The following DDX52 variants were observed in gnomAD, a reference collection of about 807,000 sequenced individuals.
The protein encoded by DDX52 is DExD-box helicase 52, also known as probable ATP-dependent RNA helicase DDX52.
DDX52 carries 59 observed loss-of-function variants against 76.1 expected under a neutral mutation model. The ratio of observed to expected loss-of-function variants is 0.78; its 90% confidence interval spans 0.63 to 0.96. DDX52 has a LOEUF of 0.96. DDX52 is among the 40% of genes least tolerant of loss of function. The pLI is 0.00. For synonymous variants in DDX52, 231 were observed against 244.1 expected (o/e 0.95, Z 0.50); for missense variants, 707 against 703.9 (o/e 1.00, Z -0.05).
chr17:37,614,095 C>A lies in DDX52; in HGVS notation c.*201G>T. ...CTGGACAACATGGCAAGACCCTCATCTCTACAGGAAAAAAAAAAGGCACCT... is the reference window on the plus strand; with the variant it reads ...CTGGACAACATGGCAAGACCCTCATATCTACAGGAAAAAAAAAAGGCACCT... On this transcript the variant is annotated 3_prime_UTR_variant, in exon 15 of 15. Transcript: ENST00000617633. 1.8e-6 allele frequency: 1 copy of A among 551,728 alleles called. No individual in the cohort carries two copies. Among genetic ancestry groups the A allele is most frequent in the Non-Finnish European group, 3.1e-6 (1 of 324,516 alleles). The allele number at this position is 551,728 out of a possible 1,614,324, so 34.2% of individuals were successfully genotyped here. A position where few individuals can be genotyped will look rare whatever the true frequency, so the allele number is the denominator to read the frequency against.
At chr17:37,642,974 G>A (rs553384317) in intron 1 of DDX52, 306 of 189,786 alleles carry the variant, frequency 1.6e-3, no homozygotes, top group Non-Finnish European at 2.7e-3. Flanking sequence ...ACTATAGTAA[G>A]AGAATCTGTT....
rs948751140 is a variant in DDX52 at position 37,643,408 on chromosome 17, C to T, written c.13G>A (p.Asp5Asn). 6 of 1,613,956 alleles carry T rather than the reference C, an allele frequency of 3.7e-6. No individual in the cohort carries two copies. The highest frequency in any genetic ancestry group is 4.2e-6 in the Non-Finnish European group (5 of 1,179,936). The change falls in exon 1 of 15, where the codon GAT (aspartate) becomes AAT (asparagine). Residue 5 changes from aspartate (D) to asparagine (N), a missense_variant. Physicochemically the swap from Asp to Asn is conservative, Grantham distance 23. Coordinates refer to ENST00000617633, the MANE Select transcript of DDX52 (RefSeq NM_007010.5). MDVHDLFRRLGAGAK... is the reference protein window; with the variant it reads MDVHNLFRRLGAGAK... ...CCCGCGCCGAGCCGGCGAAAGAGAT[C>T]GTGGACGTCCATCTTTACCCAGAAA...
At chr17:37,633,940 C>CTTTTTTTTTTTTTTTTT (rs557054736) in intron 2 of DDX52, among the ~76,000 whole-genome samples, 1 of 130,014 alleles carries the variant, frequency 7.7e-6, no homozygotes. Flanking sequence ...AATTTCTTTC[C>CTTTTTTTTTTTTTTTTT]TTTTTTTTTT....
At chr17:37,626,484 C>T (rs887037014) in intron 7 of DDX52, among the ~76,000 whole-genome samples, 4 of 152,136 alleles carry the variant, frequency 2.6e-5, no homozygotes, top group African/African-American at 9.7e-5. Context: ...TTAAACCTTC[C>T]GTTCTTTATA....
intron 2 of DDX52, among the ~76,000 whole-genome samples, chr17:37,636,800 G>C (rs1030111777): frequency 1.3e-5 from 2 of 152,110 alleles, no homozygotes; most frequent in Non-Finnish European, 2.9e-5. Context: ...CAGACCACCC[G>C]CATCAATTTA....
chr17:37,618,901 C>T (rs1446078147), intron 13 of DDX52, among the ~76,000 whole-genome samples: 1 of 152,162 alleles, frequency 6.6e-6, no homozygotes, highest in Non-Finnish European at 1.5e-5. Flanking sequence ...TAAATTCAAT[C>T]AACCTTTTAG....
intron 4 of DDX52, chr17:37,631,814 T>C (rs2030694665): frequency 4.8e-6 from 2 of 415,316 alleles, no homozygotes; most frequent in Admixed American, 4.1e-5. Context: ...ATATGATTGG[T>C]GCGAATACAA....
In DDX52 at chr17:37,614,348, T is replaced by TTTTTC. The variant is rs1303818555; in HGVS notation, c.1743_1747dup (p.Lys583ArgfsTer13). 3.1e-6 allele frequency: 5 copies of TTTTTC among 1,607,642 alleles called. No individual in the cohort carries two copies. The highest frequency in any genetic ancestry group is 4.2e-6 in the Non-Finnish European group (5 of 1,177,808). On this transcript the variant is annotated frameshift_variant, in exon 15 of 15. Coordinates refer to ENST00000617633, the MANE Select transcript of DDX52 (RefSeq NM_007010.5). LOFTEE classifies it high-confidence loss of function. The stretch of plus-strand genomic sequence containing the variant: ...CTTCTTGCTGTTCTGACCAGTGACC[T>TTTTTC]TTTTCCTGTAAAGAGCAAAGTAAGA...
In DDX52 at chr17:37,624,417, G is replaced by C; in HGVS notation, c.1154C>G (p.Thr385Ser). 1 of 1,603,692 alleles carries C rather than the reference G, an allele frequency of 6.2e-7. No individual in the cohort carries two copies. Among genetic ancestry groups the C allele is most frequent in the Non-Finnish European group, 8.5e-7 (1 of 1,173,430 alleles). The change falls in exon 9 of 15, where the codon ACT (threonine) becomes AGT (serine). Residue 385 changes from threonine to serine, a missense_variant. Transcript: ENST00000617633. Reference protein sequence around the residue: ...SIGARNSAVETVEQELLFVGS... With the variant: ...SIGARNSAVESVEQELLFVGS... ...AACAAAGAGAAGCTCTTGTTCTACA[G>C]TTTCTACTGCAGAATTCCTGGGAAG...
Position 37,633,292 on chromosome 17 carries a change from T to C in DDX52, c.413A>G (p.Glu138Gly), listed in dbSNP as rs200312318. Residue 138 changes from glutamate (E) to glycine (G), a missense_variant, in exon 3 of 15, where the codon GAA becomes GGA. Glu to Gly is a moderately conservative substitution (Grantham distance 98, BLOSUM62 -2). Coordinates refer to ENST00000617633, the MANE Select transcript of DDX52 (RefSeq NM_007010.5). ...TSGKLENLRK[E>G]KINFLRNKHK... ...GCCCCAAAATATTTTTCTAACCTTT[T>C]CTTTTCTGAGATTCTCCAACTTTCC... The C allele has an allele frequency of 6.2e-7, 1 of 1,601,200 alleles. No homozygotes were observed. Among genetic ancestry groups the C allele is most frequent in the Non-Finnish European group, 8.5e-7 (1 of 1,176,222 alleles).
intron 2 of DDX52, 47 bp from the exon 3 acceptor site, chr17:37,633,465 C>T: frequency 7.1e-7 from 1 of 1,416,352 alleles, no homozygotes; most frequent in East Asian, 2.7e-5. Context: ...GTCTAGGCAA[C>T]ATAGTGAGGA....
chr17:37,622,778 C>A (rs1431295512), intron 9 of DDX52, among the ~76,000 whole-genome samples: 1 of 152,104 alleles, frequency 6.6e-6, no homozygotes, highest in Non-Finnish European at 1.5e-5. Context: ...CAAGGAATAT[C>A]CTGGAAAACC....
intron 14 of DDX52, among the ~76,000 whole-genome samples, chr17:37,617,762 G>T (rs1039423487): frequency 1.3e-5 from 2 of 152,148 alleles, no homozygotes; most frequent in African/African-American, 4.8e-5. Flanking sequence ...ATAGAGAATT[G>T]AAATAATATT....
chr17:37,624,979 T>A (rs1482549017), intron 8 of DDX52, among the ~76,000 whole-genome samples: 2 of 152,160 alleles, frequency 1.3e-5, no homozygotes, highest in Non-Finnish European at 2.9e-5. Context: ...ATTGAAATTA[T>A]GTTTATGGTG....
Position 37,609,916 on chromosome 17 carries a change from G to C in DDX52, c.*4380C>G, listed in dbSNP as rs1205279394. 4 of 152,092 alleles carry C rather than the reference G, an allele frequency of 2.6e-5. No individual in the cohort carries two copies. The highest frequency in any genetic ancestry group is 9.7e-5 in the African/African-American group (4 of 41,378). The allele number at this position is 152,092 out of a possible 1,614,324, so 9.4% of individuals were successfully genotyped here. A position where few individuals can be genotyped will look rare whatever the true frequency, so the allele number is the denominator to read the frequency against. On this transcript the variant is annotated 3_prime_UTR_variant, in exon 15 of 15. Transcript: ENST00000617633. ...TTGGCACCTATCACAGACGCTGAAGGCATTTAAATTTTATTTTAAATCAAC... is the reference window on the plus strand; with the variant it reads ...TTGGCACCTATCACAGACGCTGAAGCCATTTAAATTTTATTTTAAATCAAC...
Position 37,614,096 on chromosome 17 carries a change from T to C in DDX52, c.*200A>G, listed in dbSNP as rs2064397348. 1 of 554,942 alleles carries C rather than the reference T, an allele frequency of 1.8e-6. No individual in the cohort carries two copies. Among genetic ancestry groups the C allele is most frequent in the Non-Finnish European group, 3.1e-6 (1 of 326,938 alleles). 34.4% of individuals were successfully genotyped at this position (554,942 alleles called of 1,614,324 possible). A position where few individuals can be genotyped will look rare whatever the true frequency, so the allele number is the denominator to read the frequency against. On this transcript the variant is annotated 3_prime_UTR_variant, in exon 15 of 15. Coordinates refer to ENST00000617633, the MANE Select transcript of DDX52 (RefSeq NM_007010.5). ...TGGACAACATGGCAAGACCCTCATC[T>C]CTACAGGAAAAAAAAAAGGCACCTA...
intron 8 of DDX52, 151 bp downstream of exon 8, chr17:37,625,744 A>G (rs760347099): frequency 1.7e-5 from 14 of 826,798 alleles, no homozygotes; most frequent in Non-Finnish European, 2.6e-5. Context: ...GAAAATCCTT[A>G]AACAATCTTG....
intron 7 of DDX52, among the ~76,000 whole-genome samples, chr17:37,626,341 G>A (rs375580541): frequency 6.6e-6 from 1 of 152,142 alleles, no homozygotes; most frequent in East Asian, 1.9e-4. Flanking sequence ...CTGGTGGGAG[G>A]TGACCGGCTC....
At chr17:37,641,489 G>A (rs1055549894) in intron 2 of DDX52, among the ~76,000 whole-genome samples, 18 of 152,038 alleles carry the variant, frequency 1.2e-4, no homozygotes, top group East Asian at 5.8e-4. Flanking sequence ...CTGTAATCCC[G>A]GCACTTTGGG....
Sources: allele counts gnomAD v4.1 joint callset (sites outside exome capture counted in the v4.1 genomes callset), GRCh38; gene constraint gnomAD v4.1.1; transcripts MANE v1.5; gene names NCBI Gene and HGNC (gene_info 2026-07-23, HGNC 2026-07-21).